DENND2A: variants seen among roughly 807,000 people sequenced by gnomAD.
DENND2A encodes the protein DENN domain-containing protein 2A.
In DENND2A, 53 loss-of-function variants were observed where a neutral mutation model predicts 105.3. The observed-to-expected ratio is 0.50, with a 90% CI of 0.40 to 0.63. The LOEUF (loss-of-function observed/expected upper bound fraction) is 0.63, where lower values mean the gene tolerates loss of function less well. Ranked by LOEUF, DENND2A falls within the 30% of genes least tolerant of loss-of-function variation. The pLI, the probability that DENND2A is intolerant of heterozygous loss-of-function variation, is 0.00. For synonymous variants in DENND2A, 522 were observed against 508.4 expected (o/e 1.03, Z -0.36); for missense variants, 1,138 against 1,279.6 (o/e 0.89, Z 1.69).
In DENND2A at chr7:140,573,951, G is replaced by C. The variant is rs777180623; in HGVS notation, c.1303C>G (p.Leu435Val). ...CGACTCAGCTTCCTAGTGTCCAGCA[G>C]CTTGAAGTTCCTCCTCTCTGAATTT... Reference protein sequence around the residue: ...RQNSERRNFKLLDTRKLSRDG... With the variant: ...RQNSERRNFKVLDTRKLSRDG... The change falls in exon 6 of 20, where the codon CTG becomes GTG. Residue 435 changes from leucine to valine, a missense_variant. By Grantham distance (32) the Leu-to-Val change is conservative (BLOSUM62 1). This residue lies in a region of DENND2A where 627 missense variants were observed against 779.8 expected (regional missense o/e 0.80). Coordinates refer to ENST00000496613, the MANE Select transcript of DENND2A (RefSeq NM_015689.5). 31 of 1,614,052 alleles carry C rather than the reference G, an allele frequency of 1.9e-5. No individual in the cohort carries two copies. The highest frequency in any genetic ancestry group is 2.6e-5 in the Non-Finnish European group (31 of 1,180,044).
Position 140,523,131 on chromosome 7 carries a change from A to G in DENND2A, c.2665+176T>C, listed in dbSNP as rs1795922547. On this transcript the variant is annotated intron_variant, in intron 17 of 19. Coordinates refer to ENST00000496613, the MANE Select transcript of DENND2A (RefSeq NM_015689.5). The surrounding 1 kb of genome is among the most constrained non-coding windows in gnomAD (Gnocchi z 4.5). ...AAGGCCAAAATGGGGGAGGTGGGAAAATCTTTCCCACAATTCACTGTGGGA... is the reference window on the plus strand; with the variant it reads ...AAGGCCAAAATGGGGGAGGTGGGAAGATCTTTCCCACAATTCACTGTGGGA... Among the ~76,000 whole-genome samples, 1 of 152,136 alleles carries G rather than the reference A, an allele frequency of 6.6e-6. No homozygotes were observed. The highest frequency in any genetic ancestry group is 6.5e-5 in the Admixed American group (1 of 15,270).
At chr7:140,521,210 C>T (rs1293064178) in intron 18 of DENND2A, among the ~76,000 whole-genome samples, 1 of 151,996 alleles carries the variant, frequency 6.6e-6, no homozygotes, top group Non-Finnish European at 1.5e-5. Context: ...TCTCACACCT[C>T]TCTTACCAAG....
intron 14 of DENND2A, among the ~76,000 whole-genome samples, chr7:140,537,657 A>G (rs1000721818): frequency 6.6e-6 from 1 of 151,584 alleles, no homozygotes; most frequent in African/African-American, 2.4e-5. Context: ...GGTGTTTTTC[A>G]TTTGTTTGTT....
chr7:140,561,682 TTTTTGTA>T (rs1224701872), intron 9 of DENND2A, among the ~76,000 whole-genome samples: 2 of 65,700 alleles, frequency 3.0e-5, no homozygotes, highest in East Asian at 4.9e-4. Flanking sequence ...TTTTTTTTTT[TTTTTGTA>T]TTTTCAGTAG....
chr7:140,626,508 C>T (rs1233882750), intron 1 of DENND2A, among the ~76,000 whole-genome samples: 1 of 152,220 alleles, frequency 6.6e-6, no homozygotes, highest in South Asian at 2.1e-4. Flanking sequence ...CACGCTGCAC[C>T]ACTGAACAGC....
Position 140,559,627 on chromosome 7 carries a change from CAT to C in DENND2A, c.1889+79_1889+80del, listed in dbSNP as rs1358548348. On this transcript the variant is annotated intron_variant, in intron 10 of 19. Transcript: ENST00000496613. This position sits in a 1 kb window ranked among gnomAD's most constrained non-coding sequence, Gnocchi z 4.1. ...GGATTACTTAACGGTGGGAATGACT[CAT>C]GTGGTCTGCCACCTGTAACCCCGTC... is the stretch of plus-strand genomic sequence containing the variant. 5 of 985,454 alleles carry C rather than the reference CAT, an allele frequency of 5.1e-6. No homozygotes were observed. The allele number at this position is 985,454 out of a possible 1,614,324, so 61.0% of individuals were successfully genotyped here. A position where few individuals can be genotyped will look rare whatever the true frequency, so the allele number is the denominator to read the frequency against.
intron 13 of DENND2A, 43 bp from the exon 14 acceptor site, chr7:140,544,809 C>T (rs544747009): frequency 1.9e-5 from 29 of 1,551,320 alleles, no homozygotes; most frequent in African/African-American, 9.5e-5. Flanking sequence ...GGCCCAGCTA[C>T]GCAGCCAGGC....
intron 8 of DENND2A, 129 bp downstream of exon 8, chr7:140,568,634 C>T: frequency 1.1e-6 from 1 of 907,132 alleles, no homozygotes; most frequent in Non-Finnish European, 1.8e-6. Flanking sequence ...CCACTGTCTC[C>T]CGAGATGTCC....
intron 11 of DENND2A, 141 bp downstream of exon 11, chr7:140,558,002 C>T: frequency 1.6e-6 from 1 of 640,264 alleles, no homozygotes; most frequent in South Asian, 1.9e-5. Flanking sequence ...GCTGATTCAC[C>T]TGCCACTCCC....
Position 140,559,036 on chromosome 7 carries a change from C to T in DENND2A, c.1889+672G>A, listed in dbSNP as rs1223006782. 1.3e-5 allele frequency among the ~76,000 whole-genome samples: 2 copies of T among 152,086 alleles called. No homozygotes were observed. The highest frequency in any genetic ancestry group is 4.8e-5 in the African/African-American group (2 of 41,426). On this transcript the variant is annotated intron_variant, in intron 10 of 19. Transcript: ENST00000496613. The surrounding 1 kb of genome is among the most constrained non-coding windows in gnomAD (Gnocchi z 4.1). ...CTGGAGGCTAAAGAGAGGGAAGAGC[C>T]TGGGGTGCTGTCCTCAGGGAACTGA...
chr7:140,555,300 AT>A (rs933386533), intron 12 of DENND2A, among the ~76,000 whole-genome samples: 8 of 148,458 alleles, frequency 5.4e-5, no homozygotes, highest in Admixed American at 1.3e-4. Context: ...CGCCTGGCTA[AT>A]TTTTTTTTTG....
intron 14 of DENND2A, among the ~76,000 whole-genome samples, chr7:140,536,233 T>TA (rs1478838769): frequency 1.4e-4 from 21 of 152,092 alleles, no homozygotes; most frequent in African/African-American, 4.8e-4. Context: ...CACATGCCTA[T>TA]AGTCCCAGCT....
At chr7:140,575,766 G>C (rs1236295019) in intron 5 of DENND2A, among the ~76,000 whole-genome samples, 2 of 152,018 alleles carry the variant, frequency 1.3e-5, no homozygotes, top group Non-Finnish European at 2.9e-5. Context: ...TCAGGAGTTC[G>C]AGACCAGCCT....
intron 13 of DENND2A, among the ~76,000 whole-genome samples, chr7:140,546,024 G>T (rs1443585068): frequency 1.3e-5 from 2 of 152,102 alleles, no homozygotes; most frequent in African/African-American, 4.8e-5. Context: ...GTTTGCTGAG[G>T]GTCTCTGAAA....
At chr7:140,567,348 G>A in intron 8 of DENND2A, 75 bp from the exon 9 acceptor site, 3 of 1,231,944 alleles carry the variant, frequency 2.4e-6, no homozygotes, top group Non-Finnish European at 3.3e-6. Context: ...GAGAGAGACA[G>A]AGTGAGCAAA....
chr7:140,600,477 A>C (rs1799444134), intron 3 of DENND2A, among the ~76,000 whole-genome samples: 1 of 152,198 alleles, frequency 6.6e-6, no homozygotes, highest in Non-Finnish European at 1.5e-5. Flanking sequence ...GAGCCAGAGA[A>C]GCAGGACTTC....
At chr7:140,620,911 T>C (rs914094110) in intron 1 of DENND2A, among the ~76,000 whole-genome samples, 1 of 152,128 alleles carries the variant, frequency 6.6e-6, no homozygotes, top group Non-Finnish European at 1.5e-5. Flanking sequence ...CATCCCTTGG[T>C]ATCCTCGGGG....
intron 1 of DENND2A, among the ~76,000 whole-genome samples, chr7:140,621,411 T>C (rs570033046): frequency 4.4e-4 from 65 of 148,012 alleles, no homozygotes; most frequent in African/African-American, 1.4e-3. Context: ...TAAATAGTTG[T>C]TATACTGTGT....
intron 1 of DENND2A, among the ~76,000 whole-genome samples, chr7:140,608,752 A>T (rs944875479): frequency 2.7e-4 from 41 of 152,240 alleles, no homozygotes; most frequent in African/African-American, 9.6e-4. Context: ...TGTGACTTAA[A>T]TTACCATGAT....
Sources: allele counts gnomAD v4.1 joint callset (sites outside exome capture counted in the v4.1 genomes callset), GRCh38; gene constraint gnomAD v4.1.1; regional missense constraint gnomAD v4.1.1; non-coding constraint Gnocchi (gnomAD v3.1); transcripts MANE v1.5; gene names NCBI Gene and HGNC (gene_info 2026-07-23, HGNC 2026-07-21).